Variants in LRP4 observed in about 807,000 individuals in gnomAD.
LRP4 encodes the protein LDL receptor related protein 4, also known as low-density lipoprotein receptor-related protein 4.
In LRP4, 95 loss-of-function variants were observed where a neutral mutation model predicts 220.3. The observed-to-expected ratio is 0.43, with a 90% CI of 0.37 to 0.51. LRP4 has a LOEUF of 0.51. LRP4 is among the 20% of genes least tolerant of loss of function. The pLI is 0.00. For missense variants in LRP4, 1,925 were observed against 2,567.0 expected (o/e 0.75, Z 5.40); for synonymous variants, 903 against 954.6 (o/e 0.95, Z 1.00).
chr11:46,898,512 C>A (rs778936882), intron 7 of LRP4, 46 bp downstream of exon 7: 1 of 1,613,046 alleles, frequency 6.2e-7, no homozygotes, highest in East Asian at 2.2e-5. Flanking sequence ...GCTCCACAAG[C>A]CTTCTCCTTA....
At chr11:46,892,864 C>T in intron 13 of LRP4, 109 bp downstream of exon 13, 5 of 1,397,752 alleles carry the variant, frequency 3.6e-6, no homozygotes. Flanking sequence ...GCCACCGCGC[C>T]CAGCTACACC....
Position 46,879,202 on chromosome 11 carries a change from C to A in LRP4, c.2928G>T (p.Gly976=), listed in dbSNP as rs765531490. ...TCTCCTGCAGAGTCTCCCGGTCCAG[C>A]CCTGTCAGCCGGTCAGCGCTCTGTA... ...KSIQSADRLT[G]LDRETLQENL... is the part of the protein sequence containing the mutation. The change falls in exon 21 of 38, where the codon GGG becomes GGT. Residue 976 remains glycine, a synonymous_variant. Transcript: ENST00000378623. 4 of 1,614,120 alleles carry A rather than the reference C, an allele frequency of 2.5e-6. No homozygotes were observed. The highest frequency in any genetic ancestry group is 3.4e-6 in the Non-Finnish European group (4 of 1,180,058).
Position 46,858,750 on chromosome 11 carries a change from A to G in LRP4, c.*233T>C. ...GGCCCAGGATGGAGTACAAGATGTG[A>G]GGTTCATGGTAAAATCCAGGTCTAA... On this transcript the variant is annotated 3_prime_UTR_variant, in exon 38 of 38. Transcript: ENST00000378623. The G allele has an allele frequency of 1.7e-6, 1 of 583,734 alleles. No homozygotes were observed. The allele number at this position is 583,734 out of a possible 1,614,324, so 36.2% of individuals were successfully genotyped here.
chr11:46,896,240 T>A lies in LRP4; in HGVS notation c.1018A>T (p.Asn340Tyr). ...LCNGVNDCGD[N>Y]SDESPQQNCR... ...TTCTGCTGTGGGCTTTCGTCGCTGTTGTCACCACAGTCGTTGACCCCGTTG... is the reference window on the plus strand; with the variant it reads ...TTCTGCTGTGGGCTTTCGTCGCTGTAGTCACCACAGTCGTTGACCCCGTTG... The change falls in exon 9 of 38, where the codon AAC becomes TAC. Residue 340 changes from asparagine (N) to tyrosine (Y), a missense_variant. Coordinates refer to ENST00000378623, the MANE Select transcript of LRP4 (RefSeq NM_002334.4). 1 of 1,614,152 alleles carries A rather than the reference T, an allele frequency of 6.2e-7. No individual in the cohort carries two copies.
Position 46,881,895 on chromosome 11 carries a change from T to A in LRP4, c.2621A>T (p.Tyr874Phe). 6.2e-7 allele frequency: 1 copy of A among 1,614,160 alleles called. No homozygotes were observed. Among genetic ancestry groups the A allele is most frequent in the Non-Finnish European group, 8.5e-7 (1 of 1,180,034 alleles). ...GGGGCTCGCACCCCAGTCAGTCCAATACATGTACCTGGGCAAAGGCAAGGC... is the reference window on the plus strand; with the variant it reads ...GGGGCTCGCACCCCAGTCAGTCCAAAACATGTACCTGGGCAAAGGCAAGGC... Reference protein sequence around the residue: ...IVVEPMGGYMYWTDWGASPKI... With the variant: ...IVVEPMGGYMFWTDWGASPKI... Residue 874 changes from tyrosine (Y) to phenylalanine (F), a missense_variant, in exon 20 of 38, where the codon TAT (tyrosine) becomes TTT (phenylalanine). Tyr to Phe is a conservative substitution (Grantham distance 22). Around this residue, in one of 3 missense-constraint regions of LRP4, gnomAD observed 1,244 missense variants for 1,624.9 expected, o/e 0.77. Transcript: ENST00000378623.
chr11:46,888,648 T>A (rs1374324441), intron 16 of LRP4, among the ~76,000 whole-genome samples: 1 of 151,854 alleles, frequency 6.6e-6, no homozygotes, highest in Admixed American at 6.6e-5. Context: ...TTTTGAATGT[T>A]TTCCCTAACC....
chr11:46,886,272 C>G, intron 17 of LRP4, 53 bp downstream of exon 17: 2 of 1,602,480 alleles, frequency 1.2e-6, no homozygotes, highest in Middle Eastern at 1.7e-4. Flanking sequence ...ATGGGAAGCC[C>G]TTCCCTGGAG....
Position 46,871,504 on chromosome 11 carries a change from A to G in LRP4, c.4692+21T>C, listed in dbSNP as rs1184458965. 5 of 1,530,008 alleles carry G rather than the reference A, an allele frequency of 3.3e-6. No individual in the cohort carries two copies. The South Asian group carries it at 3.4e-5, about 10-fold the overall frequency. 94.8% of individuals were successfully genotyped at this position (1,530,008 alleles called of 1,614,324 possible). On this transcript the variant is annotated intron_variant, in intron 31 of 37. Transcript: ENST00000378623. ...ACATCCCAGTCAAGGAGGTTTAGTT[A>G]CCTCTCTCCTGAGCCAGTACCTGTG...
chr11:46,910,958 G>A (rs896367444), intron 1 of LRP4, among the ~76,000 whole-genome samples: 2 of 152,052 alleles, frequency 1.3e-5, no homozygotes, highest in Non-Finnish European at 2.9e-5. Flanking sequence ...TTACAGGCAC[G>A]AGCCACCACA....
chr11:46,881,240 T>C (rs1941152419), intron 20 of LRP4, among the ~76,000 whole-genome samples: 1 of 152,084 alleles, frequency 6.6e-6, no homozygotes, highest in South Asian at 2.1e-4. Flanking sequence ...TTCCAAAAAA[T>C]AATAGTGAGT....
At position 46,857,541 on chromosome 11, in the gene LRP4, C is replaced by T. The variant is rs1371464051; in HGVS notation, c.*1442G>A. ...GTGCTCTCTACCTTCCTACTCCTTACCCACCTCTTTGTATTTTTATTTATT... is the reference window on the plus strand; with the variant it reads ...GTGCTCTCTACCTTCCTACTCCTTATCCACCTCTTTGTATTTTTATTTATT... On this transcript the variant is annotated 3_prime_UTR_variant, in exon 38 of 38. Coordinates refer to ENST00000378623, the MANE Select transcript of LRP4 (RefSeq NM_002334.4). 6.6e-6 allele frequency: 1 copy of T among 152,202 alleles called. No individual in the cohort carries two copies. The highest frequency in any genetic ancestry group is 1.5e-5 in the Non-Finnish European group (1 of 68,058). 9.4% of individuals were successfully genotyped at this position (152,202 alleles called of 1,614,324 possible).
At chr11:46,892,816 C>T (rs1292511705) in intron 13 of LRP4, among the ~76,000 whole-genome samples, 157 bp downstream of exon 13, 4 of 152,156 alleles carry the variant, frequency 2.6e-5, no homozygotes, top group Non-Finnish European at 5.9e-5. Context: ...GTGATCTGCC[C>T]GCCTTGGCCT....
Position 46,875,388 on chromosome 11 carries a change from C to G in LRP4, c.3925+68G>C, listed in dbSNP as rs1406116299. 7.3e-7 allele frequency: 1 copy of G among 1,362,862 alleles called. No homozygotes were observed. The highest frequency in any genetic ancestry group is 1.0e-6 in the Non-Finnish European group (1 of 957,940). The allele number at this position is 1,362,862 out of a possible 1,614,324, so 84.4% of individuals were successfully genotyped here. A position where few individuals can be genotyped will look rare whatever the true frequency, so the allele number is the denominator to read the frequency against. On this transcript the variant is annotated intron_variant, in intron 27 of 37. Coordinates refer to ENST00000378623, the MANE Select transcript of LRP4 (RefSeq NM_002334.4). This position sits in a 1 kb window ranked among gnomAD's most constrained non-coding sequence, Gnocchi z 4.5. ...AAGGAGCTCTGTGCTCTGGATATAT[C>G]TCTGATGTTGAGATGGCCCCAGAAA...
chr11:46,875,723 T>C lies in LRP4; in HGVS notation c.3700-42A>G. ...GGGTGGGGGGTGGTGATCAGCAGAT[T>C]GGGAACTCTCCATGGAGATCCTAGG... is the stretch of plus-strand genomic sequence containing the variant. On this transcript the variant is annotated intron_variant, in intron 26 of 37. Transcript: ENST00000378623. This position sits in a 1 kb window ranked among gnomAD's most constrained non-coding sequence, Gnocchi z 4.5. 6.2e-7 allele frequency: 1 copy of C among 1,612,508 alleles called. No homozygotes were observed. The highest frequency in any genetic ancestry group is 1.3e-5 in the African/African-American group (1 of 74,958).
intron 34 of LRP4, among the ~76,000 whole-genome samples, chr11:46,867,752 C>T (rs1365914954): frequency 6.6e-6 from 1 of 152,250 alleles, no homozygotes; most frequent in African/African-American, 2.4e-5. Context: ...TGAGCCACCA[C>T]ACCCAGCCTT....
chr11:46,869,208 T>C, intron 31 of LRP4, 76 bp from the exon 32 acceptor site: 2 of 1,417,430 alleles, frequency 1.4e-6, no homozygotes, highest in Non-Finnish European at 2.0e-6. Flanking sequence ...CTTCTGTGCC[T>C]CACCATGTGC....
At chr11:46,866,099 T>C (rs1400198392) in intron 34 of LRP4, among the ~76,000 whole-genome samples, 1 of 150,416 alleles carries the variant, frequency 6.6e-6, no homozygotes, top group Non-Finnish European at 1.5e-5. Context: ...TGTAAGCTAC[T>C]GATGATATTA....
intron 2 of LRP4, among the ~76,000 whole-genome samples, chr11:46,900,791 T>C (rs1026000413): frequency 8.0e-6 from 1 of 125,084 alleles, no homozygotes; most frequent in Non-Finnish European, 1.6e-5. Context: ...GCGCCTGGCC[T>C]TTTTTTTTTT....
At chr11:46,908,198 G>C (rs1360298310) in intron 1 of LRP4, among the ~76,000 whole-genome samples, 1 of 152,118 alleles carries the variant, frequency 6.6e-6, no homozygotes, top group Non-Finnish European at 1.5e-5. Context: ...CCAAAGTGCT[G>C]GGATTACAGG....
Sources: gnomAD v4.1 joint callset for allele counts (sites outside exome capture counted in the v4.1 genomes callset) on GRCh38, gnomAD v4.1.1 for gene constraint, gnomAD v4.1.1 regional missense constraint, Gnocchi (gnomAD v3.1) non-coding constraint, MANE v1.5 for transcripts, NCBI Gene and HGNC (gene_info 2026-07-23, HGNC 2026-07-21) for gene names.